The following SEMA6D variants were observed in gnomAD, a reference collection of about 807,000 sequenced individuals.
SEMA6D encodes the protein semaphorin-6D.
SEMA6D carries 35 observed loss-of-function variants against 106.6 expected under a neutral mutation model. That is an observed-to-expected ratio of 0.33 (90% CI 0.25 to 0.44). The LOEUF (loss-of-function observed/expected upper bound fraction) is 0.44. Among genes scored for constraint, SEMA6D ranks in the 20% least tolerant of loss-of-function variants. The probability of loss-of-function intolerance (pLI) is 1.00; values close to 1 mark genes in which losing one functional copy is unlikely to be tolerated. For synonymous variants in SEMA6D, 499 were observed against 487.7 expected, an observed-to-expected ratio of 1.02 and a Z score of -0.31; for missense variants, 1,185 against 1,345.9, an observed-to-expected ratio of 0.88 and a Z score of 1.87.
chr15:47,476,277 GA>G (rs2141240694), intron 3 of SEMA6D, among the ~76,000 whole-genome samples: 1 of 152,206 alleles, frequency 6.6e-6, no homozygotes, highest in South Asian at 2.1e-4. Flanking sequence ...GTTGGGAAGG[GA>G]TATGTTTATC....
chr15:47,519,225 A>G (rs964521079), intron 3 of SEMA6D, among the ~76,000 whole-genome samples: 2 of 152,210 alleles, frequency 1.3e-5, no homozygotes, highest in African/African-American at 2.4e-5. Context: ...TCTACACGTA[A>G]TTGTATGCAT....
intron 2 of SEMA6D, among the ~76,000 whole-genome samples, chr15:47,459,671 C>T (rs1340987371): frequency 6.6e-6 from 1 of 152,042 alleles, no homozygotes; most frequent in Non-Finnish European, 1.5e-5. Context: ...AAATTAAAAA[C>T]TTTTATAATA....
Position 47,678,459 on chromosome 15 carries a change from A to C in SEMA6D, c.-55+77563A>C, listed in dbSNP as rs1450241015. 2.6e-5 allele frequency among the ~76,000 whole-genome samples: 4 copies of C among 152,202 alleles called. No individual in the cohort carries two copies. In the South Asian group the frequency reaches 8.3e-4, roughly 31 times the overall value. On this transcript the variant is annotated intron_variant, in intron 4 of 19. Transcript: ENST00000558014. ...TGTTATGGATATATTATATATCAGA[A>C]AATGCTGTCCAGGTTATTTTGTTTG...
chr15:47,384,301 G>A lies in SEMA6D; in HGVS notation c.-238-28092G>A, dbSNP rs182401659. Among the ~76,000 whole-genome samples the A allele has an allele frequency of 3.6e-3, 553 of 152,296 alleles. 3 individuals are homozygous for A. The highest frequency in any genetic ancestry group is 5.4e-3 in the South Asian group (26 of 4,822). ...TCAAAATATTTGCTGCATTTCTAGC[G>A]CCTATTCACTAGGCAGTCTCATGTT... On this transcript the variant is annotated intron_variant, in intron 1 of 19. Coordinates refer to the SEMA6D transcript ENST00000558014.
intron 3 of SEMA6D, among the ~76,000 whole-genome samples, chr15:47,489,853 C>T (rs915925135): frequency 1.3e-5 from 2 of 151,978 alleles, no homozygotes; most frequent in Non-Finnish European, 2.9e-5. Context: ...GGTTTCATCA[C>T]GTTGGCCAGG....
At chr15:47,317,143 G>A (rs2036715854) in intron 1 of SEMA6D, among the ~76,000 whole-genome samples, 1 of 152,114 alleles carries the variant, frequency 6.6e-6, no homozygotes, top group African/African-American at 2.4e-5. Context: ...GGCGAATTGT[G>A]TCTTTCAAAG....
At chr15:47,620,643 A>G (rs1340510337) in intron 4 of SEMA6D, among the ~76,000 whole-genome samples, 1 of 152,066 alleles carries the variant, frequency 6.6e-6, no homozygotes, top group Admixed American at 6.5e-5. Context: ...TACTAAAGGC[A>G]GTAAATTAGG....
intron 1 of SEMA6D, among the ~76,000 whole-genome samples, chr15:47,273,783 G>T (rs79830054): frequency 3.3e-5 from 5 of 152,264 alleles, no homozygotes; most frequent in Non-Finnish European, 5.9e-5. Context: ...CTTTCAGTTG[G>T]CACTGGCTTA....
intron 3 of SEMA6D, among the ~76,000 whole-genome samples, chr15:47,544,835 A>G (rs922477828): frequency 3.9e-5 from 6 of 152,088 alleles, no homozygotes; most frequent in African/African-American, 1.4e-4. Context: ...CTTCAATACA[A>G]TTATAGCCTA....
chr15:47,444,225 C>G (rs186730107), intron 2 of SEMA6D, among the ~76,000 whole-genome samples: 1 of 152,154 alleles, frequency 6.6e-6, no homozygotes, highest in Admixed American at 6.5e-5. Flanking sequence ...CACCCACACA[C>G]GCAGTTACTA....
At chr15:47,545,394 T>C (rs909748112) in intron 3 of SEMA6D, among the ~76,000 whole-genome samples, 2 of 152,294 alleles carry the variant, frequency 1.3e-5, no homozygotes, top group Admixed American at 1.3e-4. Flanking sequence ...AGGTTGTTGG[T>C]TGTCTGTCCT....
At chr15:47,750,812 A>G in intron 1 of SEMA6D, among the ~76,000 whole-genome samples, 1 of 152,244 alleles carries the variant, frequency 6.6e-6, no homozygotes, top group Non-Finnish European at 1.5e-5. Flanking sequence ...CTCATGGCCC[A>G]CAGCGAGAGA....
chr15:47,667,386 GTCTC>G (rs2078048545), intron 4 of SEMA6D, among the ~76,000 whole-genome samples: 1 of 152,148 alleles, frequency 6.6e-6, no homozygotes. Context: ...AGCACGTCAG[GTCTC>G]AGGCTTCCTA....
intron 4 of SEMA6D, among the ~76,000 whole-genome samples, chr15:47,613,958 A>G (rs181835074): frequency 1.4e-4 from 22 of 152,252 alleles, no homozygotes; most frequent in African/African-American, 5.3e-4. Context: ...CTTTATTTTT[A>G]AATGAATCTT....
chr15:47,504,706 C>G (rs936034575), intron 3 of SEMA6D, among the ~76,000 whole-genome samples: 2 of 152,086 alleles, frequency 1.3e-5, no homozygotes, highest in Non-Finnish European at 2.9e-5. Flanking sequence ...CTAACTGCAC[C>G]CACCACACAC....
chr15:47,482,488 T>C (rs149337205), intron 3 of SEMA6D, among the ~76,000 whole-genome samples: 83 of 152,224 alleles, frequency 5.5e-4, no homozygotes, highest in African/African-American at 1.5e-3. Flanking sequence ...TAGGCAAGCC[T>C]CATGATACCT....
intron 4 of SEMA6D, among the ~76,000 whole-genome samples, chr15:47,694,769 A>C (rs1269217492): frequency 3.9e-5 from 6 of 152,170 alleles, no homozygotes; most frequent in Non-Finnish European, 5.9e-5. Context: ...AGGGCACGGA[A>C]AGAATATGGC....
rs12441762 is a variant in SEMA6D at position 47,456,477 on chromosome 15, C to A, written c.-158-13997C>A. On this transcript the variant is annotated intron_variant, in intron 2 of 19. Coordinates refer to the SEMA6D transcript ENST00000558014. Reference sequence around the variant, plus strand: ...ATCTGGAAATATTATTTATGCTCAACACTGCTTCAAATTATTAGAGCTGCC... The same window carrying A: ...ATCTGGAAATATTATTTATGCTCAAAACTGCTTCAAATTATTAGAGCTGCC... Among the ~76,000 whole-genome samples the A allele has an allele frequency of 3.6e-3, 554 of 152,080 alleles. 6 individuals are homozygous for A. Among genetic ancestry groups the A allele is most frequent in the Non-Finnish European group, 6.5e-3 (439 of 67,926 alleles).
At chr15:47,597,670 C>T (rs1427831648) in intron 3 of SEMA6D, among the ~76,000 whole-genome samples, 1 of 151,514 alleles carries the variant, frequency 6.6e-6, no homozygotes, top group Non-Finnish European at 1.5e-5. Context: ...AATAATAAAA[C>T]TCATAGAAGC....
Sources: gnomAD v4.1 joint callset for allele counts (sites outside exome capture counted in the v4.1 genomes callset) on GRCh38, gnomAD v4.1.1 for gene constraint, MANE v1.5 for transcripts, NCBI Gene and HGNC (gene_info 2026-07-23, HGNC 2026-07-21) for gene names.